DOCK3: variants seen among roughly 807,000 people sequenced by gnomAD.
DOCK3 encodes dedicator of cytokinesis protein 3.
A neutral mutation model predicts 265.6 loss-of-function variants in DOCK3; 60 were observed. The ratio of observed to expected loss-of-function variants is 0.23; its 90% CI spans 0.18 to 0.28. The LOEUF is 0.28. Among genes scored for constraint, DOCK3 ranks in the 10% least tolerant of loss-of-function variants. The probability of loss-of-function intolerance (pLI) is 1.00; values close to 1 mark genes in which losing one functional copy is unlikely to be tolerated. For synonymous variants in DOCK3, 881 were observed against 938.0 expected, an observed-to-expected ratio of 0.94 and a Z score of 1.11; for missense variants, 1,981 against 2,594.3, an observed-to-expected ratio of 0.76 and a Z score of 5.14.
chr3:50,786,175 A>G (rs2042177316), intron 2 of DOCK3, among the ~76,000 whole-genome samples: 4 of 151,706 alleles, frequency 2.6e-5, no homozygotes, highest in Admixed American at 2.6e-4. Flanking sequence ...TTTCTAATTG[A>G]GCTTATTTGG....
chr3:50,687,405 G>A (rs555603356), intron 1 of DOCK3, among the ~76,000 whole-genome samples: 40 of 152,266 alleles, frequency 2.6e-4, no homozygotes, highest in South Asian at 1.7e-3. Flanking sequence ...CCCATTCTGC[G>A]TCACTGAAAT....
intron 2 of DOCK3, among the ~76,000 whole-genome samples, chr3:50,806,451 C>T (rs1049969515): frequency 6.6e-6 from 1 of 151,388 alleles, no homozygotes; most frequent in African/African-American, 2.4e-5. Flanking sequence ...ATGCTGTGGC[C>T]ATGTAGCCAG....
intron 35 of DOCK3, among the ~76,000 whole-genome samples, chr3:51,337,113 G>A (rs1025631197): frequency 3.9e-5 from 6 of 152,214 alleles, no homozygotes; most frequent in Admixed American, 1.3e-4. Flanking sequence ...CTTACGTGGT[G>A]AATGTGCTGA....
intron 9 of DOCK3, among the ~76,000 whole-genome samples, chr3:51,099,038 A>C (rs184724464): frequency 3.9e-5 from 6 of 152,374 alleles, no homozygotes; most frequent in Middle Eastern, 3.4e-3. Flanking sequence ...GTGAAACTTT[A>C]TAATCCTGTT....
rs577550712 is a variant in DOCK3 at position 51,101,755 on chromosome 3, C to T, written c.746+11371C>T. Among the ~76,000 whole-genome samples, 4 of 152,276 alleles carry T rather than the reference C, an allele frequency of 2.6e-5. No homozygotes were observed. The South Asian group carries it at 8.3e-4, about 32-fold the overall frequency. ...ATTAAATCTATAGTTGCAAAAAAGGCTTCGTGTAGAATCCAGCTGAATTCA... is the reference window on the plus strand; with the variant it reads ...ATTAAATCTATAGTTGCAAAAAAGGTTTCGTGTAGAATCCAGCTGAATTCA... On this transcript the variant is annotated intron_variant, in intron 9 of 52. Transcript: ENST00000266037.
At chr3:51,104,065 A>C (rs1454225606) in intron 9 of DOCK3, among the ~76,000 whole-genome samples, 1 of 152,204 alleles carries the variant, frequency 6.6e-6, no homozygotes, top group Non-Finnish European at 1.5e-5. Context: ...TGATAGGATA[A>C]ATGAGGAGGG....
chr3:50,985,663 A>G (rs755962802), intron 5 of DOCK3, among the ~76,000 whole-genome samples: 34 of 152,126 alleles, frequency 2.2e-4, no homozygotes, highest in Non-Finnish European at 3.4e-4. Context: ...AGCTCCTACC[A>G]TGATGTGCCA....
intron 2 of DOCK3, among the ~76,000 whole-genome samples, chr3:50,817,087 G>A (rs771091125): frequency 2.6e-5 from 4 of 152,204 alleles, no homozygotes; most frequent in Admixed American, 1.3e-4. Context: ...TTGATGATAT[G>A]CCAAACATGG....
At chr3:51,209,947 C>T (rs2089416461) in intron 13 of DOCK3, among the ~76,000 whole-genome samples, 1 of 152,174 alleles carries the variant, frequency 6.6e-6, no homozygotes, top group African/African-American at 2.4e-5. Context: ...TAGCTCCATG[C>T]AGTGTGCTAA....
chr3:50,775,461 A>T (rs1247889971), intron 1 of DOCK3, among the ~76,000 whole-genome samples: 1 of 144,866 alleles, frequency 6.9e-6, no homozygotes, highest in Non-Finnish European at 1.6e-5. Context: ...GATACTGATA[A>T]TTTGTTTCTT....
intron 9 of DOCK3, among the ~76,000 whole-genome samples, chr3:51,123,530 T>A (rs1458868273): frequency 2.6e-5 from 4 of 152,208 alleles, no homozygotes; most frequent in Non-Finnish European, 5.9e-5. Flanking sequence ...GATACATAGC[T>A]GGATCATAAC....
chr3:51,260,354 G>C (rs757421354), intron 23 of DOCK3, 28 bp downstream of exon 23: 3 of 1,572,330 alleles, frequency 1.9e-6, no homozygotes, highest in South Asian at 1.2e-5. Flanking sequence ...AAGCTTTGAT[G>C]CTGGGTTCCT....
rs780945033 is a variant in DOCK3 at position 51,075,346 on chromosome 3, T to C, written c.465-10T>C. Reference sequence around the variant, plus strand: ...CATGGCATACTGAGTGTGGTCTTTCTCTTTACTAGACATTTGGGCCTGGAC... The same window carrying C: ...CATGGCATACTGAGTGTGGTCTTTCCCTTTACTAGACATTTGGGCCTGGAC... On this transcript the variant is annotated splice_polypyrimidine_tract_variant and intron_variant, in intron 6 of 52. Transcript: ENST00000266037. The C allele has an allele frequency of 1.3e-5, 21 of 1,605,592 alleles. No individual in the cohort carries two copies. The highest frequency in any genetic ancestry group is 1.8e-5 in the Non-Finnish European group (21 of 1,176,114).
intron 22 of DOCK3, among the ~76,000 whole-genome samples, chr3:51,248,594 C>G (rs1424860019): frequency 6.6e-6 from 1 of 152,146 alleles, no homozygotes; most frequent in African/African-American, 2.4e-5. Context: ...GCCGAGATTG[C>G]AGCCTCTGCC....
In DOCK3 at chr3:51,319,725, C is replaced by T. The variant is rs148607698; in HGVS notation, c.3402+4597C>T. Among the ~76,000 whole-genome samples, 6 of 151,968 alleles carry T rather than the reference C, an allele frequency of 3.9e-5. No individual in the cohort carries two copies. In the East Asian group the frequency reaches 5.8e-4, roughly 15 times the overall value. On this transcript the variant is annotated intron_variant, in intron 32 of 52. Transcript: ENST00000266037. ...ACTAAAACTACAAAAATTAGCTGGG[C>T]GTGGTGGTGTGTGCCTGTAGTCCTA...
chr3:51,354,877 G>T lies in DOCK3; in HGVS notation c.4108-5G>T, dbSNP rs750635753. The T allele has an allele frequency of 1.9e-6, 3 of 1,613,122 alleles. No individual in the cohort carries two copies. The highest frequency in any genetic ancestry group is 2.5e-6 in the Non-Finnish European group (3 of 1,179,520). On this transcript the variant is annotated splice_region_variant and splice_polypyrimidine_tract_variant and intron_variant, in intron 40 of 52. Coordinates refer to ENST00000266037, the MANE Select transcript of DOCK3 (RefSeq NM_004947.5). ...ACATAGAGTGTGCTCTTCTGTTTGT[G>T]GCAGAACAAAGAATACGTGTGCCGT...
intron 7 of DOCK3, among the ~76,000 whole-genome samples, chr3:51,082,036 G>T (rs745846536): frequency 5.3e-5 from 8 of 151,992 alleles, no homozygotes; most frequent in Non-Finnish European, 1.0e-4. Flanking sequence ...CAGAATACTG[G>T]AGTTCATCAG....
intron 2 of DOCK3, among the ~76,000 whole-genome samples, chr3:50,788,897 C>G (rs1166373976): frequency 6.6e-6 from 1 of 152,180 alleles, no homozygotes; most frequent in African/African-American, 2.4e-5. Flanking sequence ...TTGGCCACCC[C>G]CCTTTATTAT....
chr3:51,322,461 C>T lies in DOCK3; in HGVS notation c.3402+7333C>T, dbSNP rs138845702. Among the ~76,000 whole-genome samples, 8 of 152,196 alleles carry T rather than the reference C, an allele frequency of 5.3e-5. No homozygotes were observed. In the East Asian group the frequency reaches 1.5e-3, roughly 29 times the overall value. Reference sequence around the variant, plus strand: ...CTCATGATCTGCCCACCTCAGCCTCCCAAAATGCTAGGATTACAGGCATGA... The same window carrying T: ...CTCATGATCTGCCCACCTCAGCCTCTCAAAATGCTAGGATTACAGGCATGA... On this transcript the variant is annotated intron_variant, in intron 32 of 52. Coordinates refer to ENST00000266037, the MANE Select transcript of DOCK3 (RefSeq NM_004947.5).
Sources: allele counts gnomAD v4.1 joint callset (sites outside exome capture counted in the v4.1 genomes callset), GRCh38; gene constraint gnomAD v4.1.1; transcripts MANE v1.5; gene names NCBI Gene and HGNC (gene_info 2026-07-23, HGNC 2026-07-21).